SGCZ: variants seen among roughly 807,000 people sequenced by gnomAD.
SGCZ encodes sarcoglycan zeta.
A neutral mutation model predicts 41.3 loss-of-function variants in SGCZ; 40 were observed. The ratio of observed to expected loss-of-function variants is 0.97; its 90% CI spans 0.75 to 1.26. The LOEUF (loss-of-function observed/expected upper bound fraction) is 1.26, where lower values mean the gene tolerates loss of function less well. Ranked by LOEUF, SGCZ falls within the 50% of genes most tolerant of loss-of-function variation. SGCZ has a pLI of 0.00. For synonymous variants in SGCZ, 206 were observed against 137.5 expected (o/e 1.50, Z -3.49); for missense variants, 552 against 369.8 (o/e 1.49, Z -4.04).
At chr8:14,210,571 T>C (rs1585235153) in intron 4 of SGCZ, among the ~76,000 whole-genome samples, 1 of 151,942 alleles carries the variant, frequency 6.6e-6, no homozygotes, top group East Asian at 1.9e-4. Flanking sequence ...CAAGAGATTC[T>C]CATGCCTCAG....
At chr8:15,145,865 T>C (rs968055739) in intron 1 of SGCZ, among the ~76,000 whole-genome samples, 1 of 152,190 alleles carries the variant, frequency 6.6e-6, no homozygotes, top group Admixed American at 6.5e-5. Flanking sequence ...TCAAGGAGGT[T>C]AAACACATAT....
At chr8:14,633,660 T>C (rs577987549) in intron 1 of SGCZ, among the ~76,000 whole-genome samples, 105 of 152,006 alleles carry the variant, frequency 6.9e-4, no homozygotes, top group African/African-American at 2.4e-3. Flanking sequence ...CAGATCTTCT[T>C]ACTTATTTGT....
At position 14,477,991 on chromosome 8, in the gene SGCZ, G is replaced by A. The variant is rs114343674; in HGVS notation, c.234+76741C>T. On this transcript the variant is annotated intron_variant, in intron 2 of 7. Coordinates refer to ENST00000382080, the MANE Select transcript of SGCZ (RefSeq NM_139167.4). ...TGAGTTGAAGACTTTAATTTTCCAA[G>A]TAAGTGCAGAATAATTATGAAGAAG... Among the ~76,000 whole-genome samples the A allele has an allele frequency of 5.8e-3, 879 of 152,292 alleles. 6 individuals are homozygous for A. Among genetic ancestry groups the A allele is most frequent in the African/African-American group, 0.019 (793 of 41,568 alleles).
intron 3 of SGCZ, among the ~76,000 whole-genome samples, chr8:14,286,673 C>G (rs1800644224): frequency 1.3e-5 from 2 of 152,004 alleles, no homozygotes; most frequent in African/African-American, 2.4e-5. Flanking sequence ...TCACATTTAC[C>G]TAATTGTATG....
rs868109075 is a variant in SGCZ at position 15,172,215 on chromosome 8, G to A, written c.39+65370C>T. Among the ~76,000 whole-genome samples, 42 of 128,506 alleles carry A rather than the reference G, an allele frequency of 3.3e-4. No homozygotes were observed. The South Asian group carries it at 3.3e-3, about 10-fold the overall frequency. The allele number at this position is 128,506 out of a possible 152,430, so 84.3% of individuals were successfully genotyped here. On this transcript the variant is annotated intron_variant, in intron 1 of 7. Coordinates refer to ENST00000382080, the MANE Select transcript of SGCZ (RefSeq NM_139167.4). The stretch of plus-strand genomic sequence containing the variant: ...TTCGCTCTGTCGCCCAGGCTGGAGC[G>A]CAGTGGCGCGATCTCGACTCACTGC...
At chr8:14,588,201 A>T (rs1315559438) in intron 1 of SGCZ, among the ~76,000 whole-genome samples, 1 of 1,122 alleles carries the variant, frequency 8.9e-4, no homozygotes, top group Non-Finnish European at 7.1e-3. Flanking sequence ...TACCCAGAAG[A>T]AAAAAAAAAA....
At chr8:14,183,946 G>T (rs970079238) in intron 4 of SGCZ, among the ~76,000 whole-genome samples, 69 of 152,088 alleles carry the variant, frequency 4.5e-4, no homozygotes, top group African/African-American at 1.6e-3. Context: ...AATCCACAAA[G>T]AAATACTTAT....
chr8:14,427,317 G>T (rs916191226), intron 2 of SGCZ, among the ~76,000 whole-genome samples: 2 of 151,762 alleles, frequency 1.3e-5, no homozygotes, highest in Admixed American at 1.3e-4. Flanking sequence ...ACCTACACAT[G>T]TACCCCTGAA....
chr8:14,157,365 AGTGTGTGTGTGTGTGTGT>A (rs1276673001), intron 5 of SGCZ, among the ~76,000 whole-genome samples: 1 of 89,418 alleles, frequency 1.1e-5, no homozygotes, highest in South Asian at 4.8e-4. Context: ...TGTGTGTGTG[AGTGTGTGTGTGTGTGTGT>A]GTGTGTGTGT....
intron 1 of SGCZ, among the ~76,000 whole-genome samples, chr8:15,140,031 T>C (rs1808264220): frequency 6.6e-6 from 1 of 152,180 alleles, no homozygotes; most frequent in African/African-American, 2.4e-5. Context: ...GCCTTTTTTT[T>C]TTATTTTGAG....
intron 1 of SGCZ, among the ~76,000 whole-genome samples, chr8:14,838,315 C>T (rs1585306864): frequency 1.3e-5 from 2 of 152,144 alleles, no homozygotes; most frequent in East Asian, 1.9e-4. Context: ...CTTAAAAAAA[C>T]AACCCTCTCT....
intron 4 of SGCZ, among the ~76,000 whole-genome samples, chr8:14,222,792 A>ATTTTTTTTTTTTTTTT (rs775444301): frequency 6.1e-5 from 3 of 48,854 alleles, no homozygotes; most frequent in African/African-American, 2.7e-4. Flanking sequence ...AGTCACAGTG[A>ATTTTTTTTTTTTTTTT]TTTTTTTTTT....
chr8:14,095,154 C>A (rs1318536798), intron 7 of SGCZ, among the ~76,000 whole-genome samples: 1 of 152,106 alleles, frequency 6.6e-6, no homozygotes, highest in Non-Finnish European at 1.5e-5. Flanking sequence ...TCAATACTGG[C>A]TTCTGTTGCC....
In SGCZ at chr8:15,110,332, G is replaced by A. The variant is rs1806999849; in HGVS notation, c.39+127253C>T. 2.6e-5 allele frequency among the ~76,000 whole-genome samples: 4 copies of A among 152,194 alleles called. No homozygotes were observed. In the South Asian group the frequency reaches 8.3e-4, roughly 32 times the overall value. ...TTAAAGAGATACATTCGGCTCTAGA[G>A]ACTTTAGGAGAAATTGTAAGCTCAT... is the stretch of plus-strand genomic sequence containing the variant. On this transcript the variant is annotated intron_variant, in intron 1 of 7. Coordinates refer to ENST00000382080, the MANE Select transcript of SGCZ (RefSeq NM_139167.4).
chr8:14,391,297 T>C (rs1305985553), intron 2 of SGCZ, among the ~76,000 whole-genome samples: 1 of 152,188 alleles, frequency 6.6e-6, no homozygotes, highest in Non-Finnish European at 1.5e-5. Flanking sequence ...TGGATTTTTT[T>C]TTCCTTCTTA....
At chr8:14,351,457 T>C (rs1285572140) in intron 2 of SGCZ, among the ~76,000 whole-genome samples, 3 of 152,036 alleles carry the variant, frequency 2.0e-5, no homozygotes. Flanking sequence ...TGCTTCATGA[T>C]CAATTTTAAA....
At chr8:15,000,147 T>C (rs1585456100) in intron 1 of SGCZ, among the ~76,000 whole-genome samples, 1 of 152,086 alleles carries the variant, frequency 6.6e-6, no homozygotes, top group African/African-American at 2.4e-5. Flanking sequence ...AATCATATGA[T>C]GGGACGGCAG....
intron 1 of SGCZ, among the ~76,000 whole-genome samples, chr8:14,562,726 T>C (rs1396747196): frequency 2.6e-5 from 4 of 152,158 alleles, no homozygotes; most frequent in East Asian, 3.9e-4. Context: ...ATCCAATAAA[T>C]AGAATTGTAG....
intron 1 of SGCZ, among the ~76,000 whole-genome samples, chr8:15,198,367 A>C (rs1379876832): frequency 2.0e-5 from 3 of 152,066 alleles, no homozygotes; most frequent in African/African-American, 7.2e-5. Flanking sequence ...TGATTCTTTT[A>C]TATAATAAAT....
Sources: gnomAD v4.1 joint callset for allele counts (sites outside exome capture counted in the v4.1 genomes callset) on GRCh38, gnomAD v4.1.1 for gene constraint, MANE v1.5 for transcripts, NCBI Gene and HGNC (gene_info 2026-07-23, HGNC 2026-07-21) for gene names.